Variants in LRTM3 observed in about 807,000 individuals in gnomAD.
The protein encoded by LRTM3 is leucine-rich repeat transmembrane protein 3.
chr13:102,747,271 G>A, the LRTM3 span: 1 of 1,549,172 alleles, frequency 6.5e-7, no homozygotes, highest in Non-Finnish European at 8.7e-7. Context: ...ACATGGGAGG[G>A]TAAATAACAT....
the LRTM3 span, chr13:102,731,608 A>C: frequency 6.4e-7 from 1 of 1,551,446 alleles, no homozygotes; most frequent in Non-Finnish European, 8.7e-7. Context: ...TATCAGAAGA[A>C]ACTTTGTCTT....
the LRTM3 span, chr13:102,747,711 CTCTG>C: frequency 1.3e-5 from 20 of 1,551,162 alleles, no homozygotes; most frequent in Non-Finnish European, 1.7e-5. Flanking sequence ...CCGGCACTCT[CTCTG>C]TCTGTAGGTC....
chr13:102,742,889 T>A, the LRTM3 span: 2 of 1,550,836 alleles, frequency 1.3e-6, no homozygotes. Flanking sequence ...TATGGCATCA[T>A]CTGTTGCCTC....
the LRTM3 span, among the ~76,000 whole-genome samples, chr13:102,752,790 A>G: frequency 6.6e-6 from 1 of 152,228 alleles, no homozygotes; most frequent in Non-Finnish European, 1.5e-5. Flanking sequence ...TAAATAGGCT[A>G]TTAAAGTTAA....
chr13:102,746,866 T>A, the LRTM3 span: 1 of 1,551,334 alleles, frequency 6.4e-7, no homozygotes, highest in Non-Finnish European at 8.7e-7. Flanking sequence ...TCTCTGAATC[T>A]GCAGTGCATT....
chr13:102,737,498 T>A, the LRTM3 span: 2 of 1,550,482 alleles, frequency 1.3e-6, no homozygotes, highest in African/African-American at 1.4e-5. Flanking sequence ...AGTTTCTCCA[T>A]CCCTGTTCCC....
chr13:102,733,940 G>A, the LRTM3 span: 1 of 1,551,302 alleles, frequency 6.4e-7, no homozygotes, highest in Non-Finnish European at 8.7e-7. Context: ...TACATGGAGA[G>A]TTCGCTGTGG....
At chr13:102,746,202 C>G in the LRTM3 span, 3 of 1,550,932 alleles carry the variant, frequency 1.9e-6, no homozygotes, top group Non-Finnish European at 2.6e-6. Context: ...CAGTTCAGCA[C>G]TGGGTCTGAT....
chr13:102,745,442 C>T, the LRTM3 span: 1 of 1,550,828 alleles, frequency 6.4e-7, no homozygotes. Context: ...TTCATCTACC[C>T]CCTTTTTGCC....
the LRTM3 span, chr13:102,744,242 A>G: frequency 6.5e-7 from 1 of 1,550,354 alleles, no homozygotes; most frequent in Non-Finnish European, 8.7e-7. Flanking sequence ...TTTGGGACTC[A>G]TACTTTTCTT....
At chr13:102,749,198 G>A in the LRTM3 span, 2 of 1,550,418 alleles carry the variant, frequency 1.3e-6, no homozygotes, top group Non-Finnish European at 1.7e-6. Context: ...TTGTGAAGTT[G>A]GTGTTTTTTT....
At chr13:102,736,507 T>C in the LRTM3 span, 1 of 1,551,172 alleles carries the variant, frequency 6.4e-7, no homozygotes, top group Non-Finnish European at 8.7e-7. Context: ...AAGGCAATGA[T>C]TCCTGGATCT....
chr13:102,734,210 C>T, the LRTM3 span: 1 of 1,551,406 alleles, frequency 6.4e-7, no homozygotes, highest in African/African-American at 1.4e-5. Context: ...CACTTCATGC[C>T]TGTTTTCTTT....
chr13:102,741,761 G>T, the LRTM3 span: 6 of 1,550,288 alleles, frequency 3.9e-6, no homozygotes, highest in Non-Finnish European at 5.2e-6. Context: ...AATTGAAACT[G>T]AATGTTTGGC....
At chr13:102,753,681 C>T in the LRTM3 span, among the ~76,000 whole-genome samples, 14 of 152,196 alleles carry the variant, frequency 9.2e-5, no homozygotes, top group Admixed American at 4.6e-4. Context: ...TATGGCAGCC[C>T]CAGCAATCTA....
At chr13:102,739,789 G>C in the LRTM3 span, 1 of 1,549,000 alleles carries the variant, frequency 6.5e-7, no homozygotes, top group Non-Finnish European at 8.7e-7. Context: ...TATTCAATTT[G>C]AAGTGAGGTA....
At chr13:102,735,291 G>A in the LRTM3 span, 1 of 1,551,062 alleles carries the variant, frequency 6.4e-7, no homozygotes, top group African/African-American at 1.4e-5. Flanking sequence ...TGTAGCAGGT[G>A]TGCTTTTAAT....
chr13:102,752,111 G>C, the LRTM3 span, among the ~76,000 whole-genome samples: 3 of 152,124 alleles, frequency 2.0e-5, 1 homozygote, highest in Non-Finnish European at 4.4e-5. Context: ...ACCAACCACA[G>C]AGTGGTTCTG....
chr13:102,736,729 C>A, the LRTM3 span: 10 of 1,550,416 alleles, frequency 6.4e-6, no homozygotes, highest in Non-Finnish European at 7.8e-6. Context: ...GGGGTGATTT[C>A]TCTGCCTTTA....
Sources: gnomAD v4.1 joint callset for allele counts (sites outside exome capture counted in the v4.1 genomes callset) on GRCh38, gnomAD v4.1.1 for gene constraint, MANE v1.5 for transcripts, NCBI Gene and HGNC (gene_info 2026-07-23, HGNC 2026-07-21) for gene names.